Variants in PRKN observed in about 807,000 individuals in gnomAD.
PRKN encodes parkin RBR E3 ubiquitin protein ligase, also known as E3 ubiquitin-protein ligase parkin.
PRKN carries 56 observed loss-of-function variants against 59.5 expected under a neutral mutation model. The ratio of observed to expected loss-of-function variants is 0.94; its 90% CI spans 0.76 to 1.18. The LOEUF (loss-of-function observed/expected upper bound fraction) is 1.18, where lower values mean the gene tolerates loss of function less well. PRKN is among the 50% of genes most tolerant of loss of function. The pLI is 0.00. For missense variants in PRKN, 657 were observed against 596.4 expected (o/e 1.10, Z -1.06); for synonymous variants, 250 against 222.1 (o/e 1.13, Z -1.12).
intron 9 of PRKN, among the ~76,000 whole-genome samples, chr6:161,425,497 A>G (rs1406831764): frequency 6.6e-6 from 1 of 152,128 alleles, no homozygotes; most frequent in African/African-American, 2.4e-5. Context: ...GAGATGGTGT[A>G]GGTCCGTGGT....
intron 7 of PRKN, among the ~76,000 whole-genome samples, chr6:161,689,418 A>G (rs1785692450): frequency 1.3e-5 from 2 of 152,192 alleles, no homozygotes; most frequent in Admixed American, 6.5e-5. Context: ...TAGTTATATA[A>G]TCATTCTGAA....
At chr6:161,962,896 G>A (rs1042262413) in intron 6 of PRKN, among the ~76,000 whole-genome samples, 2 of 151,716 alleles carry the variant, frequency 1.3e-5, no homozygotes, top group African/African-American at 4.8e-5. Context: ...TGTAATCCCA[G>A]CAATTTGGGA....
chr6:162,116,792 G>T (rs1305154784), intron 4 of PRKN, among the ~76,000 whole-genome samples: 1 of 152,208 alleles, frequency 6.6e-6, no homozygotes, highest in Non-Finnish European at 1.5e-5. Context: ...TTAGAGGGTG[G>T]AGAACATAGG....
At chr6:161,844,598 AT>A (rs1793123302) in intron 6 of PRKN, among the ~76,000 whole-genome samples, 1 of 152,220 alleles carries the variant, frequency 6.6e-6, no homozygotes, top group Non-Finnish European at 1.5e-5. Context: ...ATTTTAATTA[AT>A]TTTTAAGGCT....
At chr6:161,820,727 T>G (rs1791987741) in intron 6 of PRKN, among the ~76,000 whole-genome samples, 1 of 149,118 alleles carries the variant, frequency 6.7e-6, no homozygotes, top group African/African-American at 2.4e-5. Flanking sequence ...TATAATTATA[T>G]ATTCATTTAT....
chr6:162,545,130 CA>C (rs532962764), intron 1 of PRKN, among the ~76,000 whole-genome samples: 2 of 150,314 alleles, frequency 1.3e-5, no homozygotes, highest in African/African-American at 2.4e-5. Flanking sequence ...ACTAAAAATA[CA>C]AAAAAAATGA....
intron 1 of PRKN, among the ~76,000 whole-genome samples, chr6:162,644,688 A>C (rs1056931150): frequency 6.6e-6 from 1 of 152,222 alleles, no homozygotes; most frequent in Admixed American, 6.5e-5. Context: ...CTAGCTAAGT[A>C]CCACTAGGCA....
chr6:162,647,947 TGCAAAAAAAAAAAA>T lies in PRKN; in HGVS notation c.7+79701_7+79714del, dbSNP rs1473007595. ...TAGAACCATCTCTATATGTCCACAG[TGCAAAAAAAAAAAA>T]AAAAAAAAAAAAAAAAGTCTACGGG... On this transcript the variant is annotated intron_variant, in intron 1 of 11. Coordinates refer to ENST00000366898, the MANE Select transcript of PRKN (RefSeq NM_004562.3). Among the ~76,000 whole-genome samples the T allele has an allele frequency of 2.1e-3, 33 of 15,554 alleles. 1 individual carries two copies. Among genetic ancestry groups the T allele is most frequent in the African/African-American group, 0.011 (30 of 2,844 alleles). 10.2% of individuals were successfully genotyped at this position (15,554 alleles called of 152,430 possible).
intron 6 of PRKN, among the ~76,000 whole-genome samples, chr6:161,939,439 A>G (rs1779474625): frequency 6.6e-6 from 1 of 150,470 alleles, no homozygotes; most frequent in African/African-American, 2.4e-5. Flanking sequence ...AAAAAAAAAA[A>G]AAAATACCGT....
chr6:162,595,600 T>C (rs1341211482), intron 1 of PRKN, among the ~76,000 whole-genome samples: 1 of 152,178 alleles, frequency 6.6e-6, no homozygotes, highest in Non-Finnish European at 1.5e-5. Flanking sequence ...ATTACAGTTA[T>C]TGTTTTTTTT....
intron 4 of PRKN, among the ~76,000 whole-genome samples, chr6:162,159,728 G>C (rs1782676364): frequency 6.6e-6 from 1 of 152,198 alleles, no homozygotes; most frequent in Non-Finnish European, 1.5e-5. Flanking sequence ...CAGTCATCAA[G>C]AAAGTGTGGT....
At chr6:161,905,928 T>TA (rs750946937) in intron 6 of PRKN, among the ~76,000 whole-genome samples, 5,514 of 104,852 alleles carry the variant, frequency 0.053, 186 homozygotes, top group African/African-American at 0.096. Flanking sequence ...CCACTGCATC[T>TA]AAAAAAAAAA....
chr6:162,663,674 T>C (rs888847956), intron 1 of PRKN, among the ~76,000 whole-genome samples: 6 of 151,962 alleles, frequency 3.9e-5, no homozygotes, highest in African/African-American at 7.3e-5. Flanking sequence ...AGCAACAAGT[T>C]AGATTGGGGA....
chr6:162,095,800 A>G (rs1316904430), intron 4 of PRKN, among the ~76,000 whole-genome samples: 1 of 152,188 alleles, frequency 6.6e-6, no homozygotes. Flanking sequence ...GCTACCTTGT[A>G]TCCTGCATAG....
intron 2 of PRKN, among the ~76,000 whole-genome samples, chr6:162,343,692 GGT>G (rs35443956): frequency 6.6e-6 from 1 of 151,708 alleles, no homozygotes; most frequent in Non-Finnish European, 1.5e-5. Flanking sequence ...TCATGGAAGG[GGT>G]GTGTGTGTGT....
At chr6:162,166,531 T>C (rs1782997334) in intron 4 of PRKN, among the ~76,000 whole-genome samples, 1 of 152,152 alleles carries the variant, frequency 6.6e-6, no homozygotes, top group Non-Finnish European at 1.5e-5. Context: ...TCTGAAAAAC[T>C]GAACTATGAA....
At chr6:162,388,808 C>A (rs890920643) in intron 2 of PRKN, among the ~76,000 whole-genome samples, 2 of 152,118 alleles carry the variant, frequency 1.3e-5, no homozygotes, top group Non-Finnish European at 2.9e-5. Flanking sequence ...TCTGGCCCAG[C>A]ATCTGGCACA....
intron 6 of PRKN, among the ~76,000 whole-genome samples, chr6:161,865,263 C>T (rs568077417): frequency 9.9e-5 from 15 of 152,234 alleles, no homozygotes; most frequent in African/African-American, 3.6e-4. Flanking sequence ...ACTGTAATCC[C>T]GACTTTGTTG....
intron 1 of PRKN, among the ~76,000 whole-genome samples, chr6:162,647,780 C>T (rs760603231): frequency 2.2e-4 from 34 of 152,014 alleles, no homozygotes; most frequent in Admixed American, 6.6e-5. Flanking sequence ...ATCACAACCT[C>T]ACAATTTTCC....
Sources: allele counts gnomAD v4.1 joint callset (sites outside exome capture counted in the v4.1 genomes callset), GRCh38; gene constraint gnomAD v4.1.1; transcripts MANE v1.5; gene names NCBI Gene and HGNC (gene_info 2026-07-23, HGNC 2026-07-21).